DIAPH2: variants seen among roughly 807,000 people sequenced by gnomAD.
The protein encoded by DIAPH2 is diaphanous related formin 2.
DIAPH2 carries 35 observed loss-of-function variants against 92.7 expected under a neutral mutation model. The observed-to-expected ratio is 0.38, with a 90% CI of 0.29 to 0.50. The LOEUF is 0.50. Among genes scored for constraint, DIAPH2 ranks in the 20% least tolerant of loss-of-function variants. The pLI is 0.94. For missense variants in DIAPH2, 701 were observed against 819.5 expected (o/e 0.86, Z 1.77); for synonymous variants, 301 against 280.4 (o/e 1.07, Z -0.73).
In DIAPH2 at chrX:97,108,248, G is replaced by A. The variant is rs778119785; in HGVS notation, c.2350-6478G>A. On this transcript the variant is annotated intron_variant, in intron 20 of 26. Transcript: ENST00000324765. Reference sequence around the variant, plus strand: ...ATGTGATTTGATAGACAAGTACATCGTAACACAAATAAATCCCCTACATAA... The same window carrying A: ...ATGTGATTTGATAGACAAGTACATCATAACACAAATAAATCCCCTACATAA... Among the ~76,000 whole-genome samples the A allele has an allele frequency of 1.7e-4, 19 of 110,770 alleles. No individual in the cohort carries two copies. The South Asian group carries it at 7.0e-3, about 41-fold the overall frequency.
At chrX:97,268,856 C>CTT (rs747116851) in intron 23 of DIAPH2, among the ~76,000 whole-genome samples, 61 of 86,925 alleles carry the variant, frequency 7.0e-4, no homozygotes, top group African/African-American at 1.2e-3. Flanking sequence ...TCTTTTCTTT[C>CTT]TTTTTTTTTT....
At chrX:97,274,237 C>T (rs1002979466) in intron 23 of DIAPH2, among the ~76,000 whole-genome samples, 3 of 110,984 alleles carry the variant, frequency 2.7e-5, no homozygotes, top group East Asian at 2.8e-4. Context: ...TAGCCAGGCA[C>T]GGTGGCTCAT....
At chrX:97,506,935 C>G (rs1048775682) in intron 26 of DIAPH2, among the ~76,000 whole-genome samples, 10 of 111,158 alleles carry the variant, frequency 9.0e-5, no homozygotes, top group Non-Finnish European at 1.5e-4. Context: ...GGTTTGCCAA[C>G]TATGGTCAGT....
At chrX:96,815,511 G>A (rs755703918) in intron 4 of DIAPH2, among the ~76,000 whole-genome samples, 24 of 112,037 alleles carry the variant, frequency 2.1e-4, no homozygotes, top group Admixed American at 1.5e-3. Context: ...GCCCTGCTTC[G>A]TCTCGCCCTC....
At chrX:97,354,670 G>A (rs1311469034) in intron 24 of DIAPH2, among the ~76,000 whole-genome samples, 3 of 112,683 alleles carry the variant, frequency 2.7e-5, no homozygotes, top group Non-Finnish European at 3.7e-5. Flanking sequence ...CACTGCACCC[G>A]ACCAAATCTG....
intron 26 of DIAPH2, among the ~76,000 whole-genome samples, chrX:97,474,556 G>C (rs1024039167): frequency 2.7e-5 from 3 of 111,241 alleles, no homozygotes; most frequent in African/African-American, 9.8e-5. Flanking sequence ...CCTGAGGTGA[G>C]GAGTTCGAGA....
At chrX:97,021,390 G>A (rs1241004359) in intron 17 of DIAPH2, among the ~76,000 whole-genome samples, 3 of 111,000 alleles carry the variant, frequency 2.7e-5, no homozygotes, top group Non-Finnish European at 5.7e-5. Context: ...ATAGATTTGG[G>A]TTTCACCATG....
intron 4 of DIAPH2, among the ~76,000 whole-genome samples, chrX:96,874,310 C>T (rs1232057115): frequency 1.8e-5 from 2 of 111,711 alleles, no homozygotes; most frequent in Non-Finnish European, 3.8e-5. Flanking sequence ...AAAAGAGAAA[C>T]ATAATGTGTA....
intron 17 of DIAPH2, among the ~76,000 whole-genome samples, chrX:96,971,591 A>C (rs1318101456): frequency 9.0e-6 from 1 of 111,536 alleles, no homozygotes; most frequent in Non-Finnish European, 1.9e-5. Context: ...GCCAAAACCT[A>C]ATCAAACCAA....
chrX:97,477,321 A>G lies in DIAPH2; in HGVS notation c.3241+47576A>G, dbSNP rs374506806. ...ACTCCAGCCTGGGCAACAGAGTGAG[A>G]CTCTCTCAAAAAATATATATAGGCC... On this transcript the variant is annotated intron_variant, in intron 26 of 26. Transcript: ENST00000324765. Among the ~76,000 whole-genome samples the G allele has an allele frequency of 7.6e-5, 8 of 104,725 alleles. No homozygotes were observed. The East Asian group carries it at 2.4e-3, about 31-fold the overall frequency. 90.9% of individuals were successfully genotyped at this position (104,725 alleles called of 115,157 possible). A position where few individuals can be genotyped will look rare whatever the true frequency, so the allele number is the denominator to read the frequency against.
chrX:97,198,265 T>TACACACACACACACACACACAC (rs200339851), intron 22 of DIAPH2, among the ~76,000 whole-genome samples: 1 of 89,042 alleles, frequency 1.1e-5, no homozygotes, highest in African/African-American at 4.5e-5. Context: ...AACAACAAAA[T>TACACACACACACACACACACAC]ACACACACAC....
intron 17 of DIAPH2, among the ~76,000 whole-genome samples, chrX:97,036,361 A>G (rs1302416519): frequency 1.8e-5 from 2 of 112,445 alleles, no homozygotes; most frequent in Non-Finnish European, 3.8e-5. Context: ...ACAGAAGTCA[A>G]TATTCTTAGA....
At chrX:97,538,101 G>C (rs1215653990) in intron 26 of DIAPH2, among the ~76,000 whole-genome samples, 2 of 109,829 alleles carry the variant, frequency 1.8e-5, no homozygotes, top group Non-Finnish European at 3.8e-5. Context: ...AGCCAGGATG[G>C]TCTCGATCTC....
intron 16 of DIAPH2, among the ~76,000 whole-genome samples, chrX:96,962,282 T>TACAC (rs1569436362): frequency 9.3e-5 from 7 of 75,285 alleles, no homozygotes; most frequent in Non-Finnish European, 1.8e-4. Context: ...TACATATATA[T>TACAC]ATACATATAT....
At chrX:97,446,264 C>A (rs963861607) in intron 26 of DIAPH2, among the ~76,000 whole-genome samples, 59 of 112,004 alleles carry the variant, frequency 5.3e-4, no homozygotes, top group African/African-American at 1.6e-3. Flanking sequence ...GAAAAAATAT[C>A]TTTTCATAAA....
chrX:97,597,595 T>C (rs2071561852), intron 26 of DIAPH2, among the ~76,000 whole-genome samples: 1 of 111,887 alleles, frequency 8.9e-6, no homozygotes, highest in South Asian at 3.8e-4. Flanking sequence ...CTACCGTCAT[T>C]CTCACGTCTG....
chrX:97,572,966 T>G (rs772445911), intron 26 of DIAPH2, among the ~76,000 whole-genome samples: 1 of 112,384 alleles, frequency 8.9e-6, no homozygotes, highest in South Asian at 3.7e-4. Flanking sequence ...CCTGCCCTAC[T>G]TTTAAGCTTC....
At chrX:97,099,624 T>C in intron 19 of DIAPH2, 70 bp from the exon 20 acceptor site, 1 of 667,270 alleles carries the variant, frequency 1.5e-6, no homozygotes. Flanking sequence ...ATCACTTTCA[T>C]AATTGTTAAT....
intron 26 of DIAPH2, among the ~76,000 whole-genome samples, chrX:97,515,208 C>T (rs1327157520): frequency 8.9e-6 from 1 of 112,561 alleles, no homozygotes; most frequent in East Asian, 2.8e-4. Flanking sequence ...GATATAATCT[C>T]GTGGTGCACC....
Sources: allele counts gnomAD v4.1 joint callset (sites outside exome capture counted in the v4.1 genomes callset), GRCh38; gene constraint gnomAD v4.1.1; transcripts MANE v1.5; gene names NCBI Gene and HGNC (gene_info 2026-07-23, HGNC 2026-07-21).